Variants in CHODL observed in about 807,000 individuals in gnomAD.
CHODL encodes transmembrane protein MT75.
A neutral mutation model predicts 34.5 loss-of-function variants in CHODL; 29 were observed. The ratio of observed to expected loss-of-function variants is 0.84; its 90% confidence interval spans 0.63 to 1.15. The LOEUF (loss-of-function observed/expected upper bound fraction) is 1.15. Ranked by LOEUF, CHODL falls within the 50% of genes most tolerant of loss-of-function variation. CHODL has a pLI of 0.00. For synonymous variants in CHODL, 125 were observed against 116.1 expected, an observed-to-expected ratio of 1.08 and a Z score of -0.49; for missense variants, 332 against 332.5, an observed-to-expected ratio of 1.00 and a Z score of 0.01.
At chr21:18,029,932 T>G in intron 2 of CHODL, among the ~76,000 whole-genome samples, 1 of 152,130 alleles carries the variant, frequency 6.6e-6, no homozygotes, top group Non-Finnish European at 1.5e-5. Context: ...CTGGCTGTGT[T>G]ATTAGCTTTT....
intron 2 of CHODL, among the ~76,000 whole-genome samples, chr21:18,055,521 C>A (rs934074613): frequency 2.6e-5 from 4 of 152,062 alleles, no homozygotes; most frequent in African/African-American, 7.2e-5. Context: ...ATGCCTTTAG[C>A]TTCCTTGAGA....
At chr21:18,099,417 T>C in intron 2 of CHODL, among the ~76,000 whole-genome samples, 1 of 151,408 alleles carries the variant, frequency 6.6e-6, no homozygotes, top group Non-Finnish European at 1.5e-5. Flanking sequence ...ATAATATATA[T>C]TACAATATAA....
Position 18,120,600 on chromosome 21 carries a change from T to C in CHODL, c.-45+92629T>C, listed in dbSNP as rs1388266157. ...CCAAGAGGAACCTGTTTATTGTTTA[T>C]ATCTTTTTGTTTTAAAAATGTGTGT... On this transcript the variant is annotated intron_variant, in intron 2 of 6. Coordinates refer to the CHODL transcript ENST00000400127. 5.3e-5 allele frequency among the ~76,000 whole-genome samples: 8 copies of C among 152,190 alleles called. No individual in the cohort carries two copies. The East Asian group carries it at 1.5e-3, about 29-fold the overall frequency.
chr21:18,053,104 C>T (rs771334632), intron 2 of CHODL, among the ~76,000 whole-genome samples: 1 of 151,792 alleles, frequency 6.6e-6, no homozygotes, highest in Non-Finnish European at 1.5e-5. Flanking sequence ...GACATAGAAA[C>T]TATACAGTAT....
chr21:18,055,709 G>A (rs2064571021), intron 2 of CHODL, among the ~76,000 whole-genome samples: 1 of 151,996 alleles, frequency 6.6e-6, no homozygotes, highest in South Asian at 2.1e-4. Context: ...TGAATTTCTG[G>A]TGTCATACCT....
At chr21:18,263,050 T>C (rs1458820437) in intron 5 of CHODL, among the ~76,000 whole-genome samples, 157 bp downstream of exon 5, 1 of 152,178 alleles carries the variant, frequency 6.6e-6, no homozygotes, top group Non-Finnish European at 1.5e-5. Flanking sequence ...ATAGAATTAA[T>C]GTAATATATT....
At chr21:17,964,099 TTAACA>T (rs1188466155) in intron 1 of CHODL, among the ~76,000 whole-genome samples, 3 of 152,166 alleles carry the variant, frequency 2.0e-5, no homozygotes, top group South Asian at 2.1e-4. Flanking sequence ...ATTATACAAG[TTAACA>T]TAACATTCAT....
chr21:17,949,533 A>G (rs886935978), intron 1 of CHODL, among the ~76,000 whole-genome samples: 10 of 152,188 alleles, frequency 6.6e-5, no homozygotes, highest in African/African-American at 2.4e-4. Flanking sequence ...GTTCCTCTTC[A>G]CTTTCAATGA....
chr21:18,214,809 A>C (rs1371022785), intron 2 of CHODL, among the ~76,000 whole-genome samples: 1 of 152,080 alleles, frequency 6.6e-6, no homozygotes, highest in Non-Finnish European at 1.5e-5. Context: ...GGCGATAGTC[A>C]CCTTATGTCC....
intron 1 of CHODL, among the ~76,000 whole-genome samples, chr21:17,972,620 C>T (rs1002728371): frequency 6.6e-6 from 1 of 152,168 alleles, no homozygotes; most frequent in African/African-American, 2.4e-5. Flanking sequence ...GAACTACAAA[C>T]CACTGCTCAA....
intron 1 of CHODL, among the ~76,000 whole-genome samples, chr21:17,964,985 C>G (rs2824580): frequency 6.6e-6 from 1 of 152,004 alleles, no homozygotes; most frequent in Non-Finnish European, 1.5e-5. Flanking sequence ...CAGTAAATAA[C>G]AGTTTGGAAA....
At chr21:18,066,227 T>C (rs896634104) in intron 2 of CHODL, among the ~76,000 whole-genome samples, 1 of 152,174 alleles carries the variant, frequency 6.6e-6, no homozygotes, top group Non-Finnish European at 1.5e-5. Context: ...TGCAATCTTG[T>C]TCCATAAATA....
chr21:17,982,034 G>A (rs1167269029), intron 1 of CHODL, among the ~76,000 whole-genome samples: 1 of 152,140 alleles, frequency 6.6e-6, no homozygotes, highest in Non-Finnish European at 1.5e-5. Flanking sequence ...CTACATCCTA[G>A]GATTGTTGGT....
intron 2 of CHODL, among the ~76,000 whole-genome samples, chr21:18,034,850 T>C (rs780304541): frequency 6.6e-6 from 1 of 152,018 alleles, no homozygotes; most frequent in African/African-American, 2.4e-5. Context: ...AGGTATATTC[T>C]CTTTGACTAG....
intron 2 of CHODL, among the ~76,000 whole-genome samples, chr21:18,167,754 A>G (rs2073176299): frequency 6.6e-6 from 1 of 152,160 alleles, no homozygotes; most frequent in African/African-American, 2.4e-5. Flanking sequence ...TAAGTAGGCT[A>G]TTTGTACCCT....
In CHODL at chr21:18,206,955, A is replaced by G. The variant is rs949655368; in HGVS notation, c.-44-49554A>G. On this transcript the variant is annotated intron_variant, in intron 2 of 6. Coordinates refer to the CHODL transcript ENST00000400127. ...CAAGGTGCAGGTTTGTTACATAGGT[A>G]TACATGTGCCATGTTGGTTTGCTGC... Among the ~76,000 whole-genome samples the G allele has an allele frequency of 7.9e-5, 12 of 151,982 alleles. No homozygotes were observed. The South Asian group carries it at 2.1e-3, about 26-fold the overall frequency.
intron 2 of CHODL, among the ~76,000 whole-genome samples, chr21:18,141,415 A>G (rs1269369206): frequency 1.3e-5 from 2 of 152,112 alleles, no homozygotes; most frequent in Admixed American, 6.6e-5. Flanking sequence ...CTGGAGTGAA[A>G]TGAATGGAAT....
intron 2 of CHODL, among the ~76,000 whole-genome samples, chr21:18,176,847 G>A (rs1348308318): frequency 1.3e-5 from 2 of 151,948 alleles, no homozygotes; most frequent in African/African-American, 4.8e-5. Context: ...AGAAATTGGA[G>A]GCAAGAGTAC....
At chr21:17,991,146 C>G (rs2063793901) in intron 1 of CHODL, among the ~76,000 whole-genome samples, 1 of 152,074 alleles carries the variant, frequency 6.6e-6, no homozygotes, top group South Asian at 2.1e-4. Context: ...TCTTTCTTTT[C>G]CATGGCTGAG....
Sources: allele counts gnomAD v4.1 joint callset (sites outside exome capture counted in the v4.1 genomes callset), GRCh38; gene constraint gnomAD v4.1.1; transcripts MANE v1.5; gene names NCBI Gene and HGNC (gene_info 2026-07-23, HGNC 2026-07-21).